Variants in SH2D1A observed in about 807,000 individuals in gnomAD.
SH2D1A encodes SH2 domain-containing protein 1A.
SH2D1A carries 6 observed loss-of-function variants against 10.1 expected under a neutral mutation model. The ratio of observed to expected loss-of-function variants is 0.60; its 90% CI spans 0.33 to 1.18. SH2D1A has a LOEUF of 1.18. Ranked by LOEUF, SH2D1A falls within the 50% of genes most tolerant of loss-of-function variation. The pLI is 0.04. For missense variants in SH2D1A, 51 were observed against 97.6 expected (o/e 0.52, Z 2.01); for synonymous variants, 42 against 36.9 (o/e 1.14, Z -0.51).
chrX:124,371,266 T>G, intron 3 of SH2D1A, 85 bp from the exon 4 acceptor site: 1 of 647,633 alleles, frequency 1.5e-6, no homozygotes, highest in Non-Finnish European at 2.5e-6. Flanking sequence ...TTTTATGCAG[T>G]TGGAAATTTT....
At position 124,366,767 on chromosome X, in the gene SH2D1A, A is replaced by T. The variant is rs952143275; in HGVS notation, c.201+943A>T. On this transcript the variant is annotated intron_variant, in intron 2 of 3. Transcript: ENST00000371139. ...GATAAAGTTATACCATTTCTAATTGAAACTATTTATACCTGTTTATTTAAA... is the reference window on the plus strand; with the variant it reads ...GATAAAGTTATACCATTTCTAATTGTAACTATTTATACCTGTTTATTTAAA... Among the ~76,000 whole-genome samples the T allele has an allele frequency of 4.5e-5, 5 of 110,570 alleles. No homozygotes were observed. The Admixed American group carries it at 4.9e-4, about 11-fold the overall frequency.
intron 1 of SH2D1A, among the ~76,000 whole-genome samples, chrX:124,347,359 G>A (rs377374265): frequency 4.5e-5 from 5 of 110,642 alleles, no homozygotes; most frequent in African/African-American, 1.6e-4. Flanking sequence ...AGTAGTGGGG[G>A]GTGGGGAGGG....
At chrX:124,371,292 T>A in intron 3 of SH2D1A, 59 bp from the exon 4 acceptor site, 1 of 796,759 alleles carries the variant, frequency 1.3e-6, no homozygotes, top group South Asian at 2.3e-5. Context: ...TTTGAGTTAA[T>A]CTGTAATTTT....
chrX:124,367,327 AAATT>A (rs773463722), intron 2 of SH2D1A, among the ~76,000 whole-genome samples: 1 of 112,268 alleles, frequency 8.9e-6, no homozygotes, highest in Admixed American at 9.4e-5. Context: ...TCTAAGGTGA[AAATT>A]AAACTAGTGT....
chrX:124,369,626 G>C (rs1278822655), intron 2 of SH2D1A, among the ~76,000 whole-genome samples: 1 of 111,976 alleles, frequency 8.9e-6, no homozygotes, highest in Non-Finnish European at 1.9e-5. Flanking sequence ...AGGTGAAAGA[G>C]TATGAGGACT....
intron 1 of SH2D1A, among the ~76,000 whole-genome samples, chrX:124,355,264 G>T (rs1465836060): frequency 1.2e-5 from 1 of 84,481 alleles, no homozygotes; most frequent in African/African-American, 4.5e-5. Flanking sequence ...CTGACCCACT[G>T]AGAAAATAAG....
At chrX:124,370,966 T>C (rs1430210971) in intron 3 of SH2D1A, among the ~76,000 whole-genome samples, 1 of 111,746 alleles carries the variant, frequency 8.9e-6, no homozygotes, top group Non-Finnish European at 1.9e-5. Flanking sequence ...TTGAATGGGG[T>C]TTATCATTTG....
intron 1 of SH2D1A, among the ~76,000 whole-genome samples, chrX:124,359,104 G>A (rs1230640593): frequency 9.0e-6 from 1 of 111,454 alleles, no homozygotes; most frequent in Non-Finnish European, 1.9e-5. Context: ...GAAGGAAATT[G>A]TTAATATTAG....
intron 1 of SH2D1A, among the ~76,000 whole-genome samples, chrX:124,356,040 C>A (rs1434127566): frequency 9.6e-6 from 1 of 103,645 alleles, no homozygotes; most frequent in African/African-American, 3.6e-5. Context: ...AGGTATATCT[C>A]CTAATGCTAT....
intron 1 of SH2D1A, among the ~76,000 whole-genome samples, chrX:124,356,295 G>A (rs1205517342): frequency 9.1e-6 from 1 of 110,422 alleles, no homozygotes; most frequent in Non-Finnish European, 1.9e-5. Flanking sequence ...TCTTAATCCA[G>A]TCTATCATTG....
At chrX:124,352,660 C>A (rs1011619907) in intron 1 of SH2D1A, among the ~76,000 whole-genome samples, 1 of 111,815 alleles carries the variant, frequency 8.9e-6, no homozygotes, top group African/African-American at 3.2e-5. Flanking sequence ...AGCACATTTT[C>A]TTTATCCATT....
chrX:124,357,621 G>T (rs753689347), intron 1 of SH2D1A, among the ~76,000 whole-genome samples: 3 of 111,257 alleles, frequency 2.7e-5, no homozygotes, highest in East Asian at 2.8e-4. Flanking sequence ...AGTGTGCAAG[G>T]GTTCCCTTCT....
At chrX:124,353,756 G>A (rs112829648) in intron 1 of SH2D1A, among the ~76,000 whole-genome samples, 1,534 of 112,135 alleles carry the variant, frequency 0.014, 31 homozygotes, top group African/African-American at 0.047. Context: ...TGGAAGATTT[G>A]GAAGAAGAAA....
At chrX:124,360,601 A>T (rs769651630) in intron 1 of SH2D1A, among the ~76,000 whole-genome samples, 1,093 of 24,805 alleles carry the variant, frequency 0.044, 26 homozygotes, top group African/African-American at 0.27. Context: ...AGACACCATT[A>T]AAAAAAAAAA....
intron 2 of SH2D1A, among the ~76,000 whole-genome samples, chrX:124,366,876 AACAC>A (rs59536671): frequency 0.11 from 9,679 of 86,926 alleles, 429 homozygotes; most frequent in East Asian, 0.13. Context: ...TATACTGACA[AACAC>A]ACACACACAC....
intron 1 of SH2D1A, among the ~76,000 whole-genome samples, chrX:124,347,763 G>T (rs1423569339): frequency 9.0e-6 from 1 of 110,608 alleles, no homozygotes; most frequent in African/African-American, 3.3e-5. Flanking sequence ...GTAAGCTATT[G>T]GTATTATTAT....
At chrX:124,348,003 T>C (rs2059998339) in intron 1 of SH2D1A, among the ~76,000 whole-genome samples, 1 of 111,621 alleles carries the variant, frequency 9.0e-6, no homozygotes, top group Non-Finnish European at 1.9e-5. Flanking sequence ...GAGTTTGAAA[T>C]ACCTTATGGG....
rs2060071941 is a variant in SH2D1A at position 124,372,478 on chromosome X, TA to T, written c.*1089del. The T allele has an allele frequency of 5.9e-6, 1 of 170,262 alleles. No homozygotes were observed. Among genetic ancestry groups the T allele is most frequent in the Admixed American group, 8.1e-5 (1 of 12,360 alleles). 14.0% of individuals were successfully genotyped at this position (170,262 alleles called of 1,213,427 possible). A position where few individuals can be genotyped will look rare whatever the true frequency, so the allele number is the denominator to read the frequency against. The stretch of plus-strand genomic sequence containing the variant: ...ACTGTCTTGTTGGACGAGAAAACAA[TA>T]ACGATAAAAGACAGTGAAAGAAAAT... On this transcript the variant is annotated 3_prime_UTR_variant, in exon 4 of 4. Transcript: ENST00000371139.
chrX:124,354,547 C>G (rs888470435), intron 1 of SH2D1A, among the ~76,000 whole-genome samples: 1 of 111,652 alleles, frequency 9.0e-6, no homozygotes, highest in African/African-American at 3.3e-5. Flanking sequence ...GGGTGTGCAT[C>G]CCAGCTCTGA....
Sources: allele counts gnomAD v4.1 joint callset (sites outside exome capture counted in the v4.1 genomes callset), GRCh38; gene constraint gnomAD v4.1.1; transcripts MANE v1.5; gene names NCBI Gene and HGNC (gene_info 2026-07-23, HGNC 2026-07-21).